Variants in DYRK4 observed in about 807,000 individuals in gnomAD.
DYRK4 encodes dual specificity tyrosine phosphorylation regulated kinase 4.
Under a neutral mutation model 68.3 loss-of-function variants are expected in DYRK4, and 64 were observed. That is an observed-to-expected ratio of 0.94 (90% CI 0.77 to 1.15). The LOEUF (loss-of-function observed/expected upper bound fraction) is 1.15, where lower values mean the gene tolerates loss of function less well. Ranked by LOEUF, DYRK4 falls within the 50% of genes most tolerant of loss-of-function variation. DYRK4 has a pLI of 0.00. For missense variants in DYRK4, 740 were observed against 764.7 expected, an observed-to-expected ratio of 0.97 and a Z score of 0.38; for synonymous variants, 274 against 289.9, an observed-to-expected ratio of 0.95 and a Z score of 0.56.
intron 2 of DYRK4, among the ~76,000 whole-genome samples, chr12:4,568,731 C>T (rs543207027): frequency 6.6e-6 from 1 of 152,186 alleles, no homozygotes; most frequent in Non-Finnish European, 1.5e-5. Flanking sequence ...TTTCCTTTCA[C>T]TCTGCCTCAA....
intron 10 of DYRK4, chr12:4,603,004 C>T: frequency 1.1e-6 from 1 of 919,122 alleles, no homozygotes; most frequent in Non-Finnish European, 1.7e-6. Context: ...GTTCTTGATT[C>T]TATAGAAGCT....
chr12:4,591,042 C>A lies in DYRK4; in HGVS notation c.325-118C>A. 1 of 1,227,328 alleles carries A rather than the reference C, an allele frequency of 8.1e-7. No homozygotes were observed. Among genetic ancestry groups the A allele is most frequent in the African/African-American group, 1.5e-5 (1 of 65,814 alleles). The allele number at this position is 1,227,328 out of a possible 1,614,324, so 76.0% of individuals were successfully genotyped here. On this transcript the variant is annotated intron_variant, in intron 4 of 14. Coordinates refer to ENST00000543431, the MANE Select transcript of DYRK4 (RefSeq NM_001394779.1). This position sits in a 1 kb window ranked among gnomAD's most constrained non-coding sequence, Gnocchi z 4.1. ...TCTGTCTCTTAATCGCTGTTTTCTCCCTGGAGAGGTAGGTAAAGAGCCTGG... is the reference window on the plus strand; with the variant it reads ...TCTGTCTCTTAATCGCTGTTTTCTCACTGGAGAGGTAGGTAAAGAGCCTGG...
intron 10 of DYRK4, chr12:4,602,460 T>C: frequency 7.9e-7 from 1 of 1,266,940 alleles, no homozygotes; most frequent in South Asian, 1.2e-5. Context: ...GATTTCCCAT[T>C]CCCTTTACTT....
intron 2 of DYRK4, among the ~76,000 whole-genome samples, chr12:4,586,445 T>A (rs1944897333): frequency 6.6e-6 from 1 of 152,140 alleles, no homozygotes; most frequent in Non-Finnish European, 1.5e-5. Flanking sequence ...TCAAAAAAAA[T>A]CCTGTCTTGC....
At chr12:4,563,020 C>G (rs767262977) in intron 1 of DYRK4, 7 of 455,574 alleles carry the variant, frequency 1.5e-5, no homozygotes, top group South Asian at 1.1e-4. Flanking sequence ...AAGCAACGGA[C>G]AGCATCACCA....
intron 10 of DYRK4, chr12:4,602,393 A>G: frequency 3.3e-6 from 3 of 919,536 alleles, no homozygotes; most frequent in Non-Finnish European, 5.3e-6. Flanking sequence ...CTTTCTGTCA[A>G]GGGGAAAGAC....
At chr12:4,570,355 A>G (rs1407730415) in intron 2 of DYRK4, among the ~76,000 whole-genome samples, 1 of 152,260 alleles carries the variant, frequency 6.6e-6, no homozygotes, top group East Asian at 1.9e-4. Context: ...TGAAACTTAA[A>G]ACTACTGTGT....
chr12:4,568,440 A>T (rs990292188), intron 2 of DYRK4, among the ~76,000 whole-genome samples: 5 of 151,550 alleles, frequency 3.3e-5, no homozygotes, highest in African/African-American at 9.7e-5. Context: ...GGCTGGAGTG[A>T]AATGGTGCAA....
chr12:4,572,432 C>T (rs574287905), intron 2 of DYRK4, among the ~76,000 whole-genome samples: 143 of 152,212 alleles, frequency 9.4e-4, no homozygotes, highest in African/African-American at 3.3e-3. Context: ...CAGGCGCCCG[C>T]CACCACACCT....
chr12:4,591,620 G>A lies in DYRK4; in HGVS notation c.463+322G>A, dbSNP rs977004226. The A allele has an allele frequency of 6.2e-5, 18 of 289,344 alleles. 1 individual carries two copies. Among genetic ancestry groups the A allele is most frequent in the Admixed American group, 9.1e-5 (2 of 21,866 alleles). 17.9% of individuals were successfully genotyped at this position (289,344 alleles called of 1,614,324 possible). The stretch of plus-strand genomic sequence containing the variant: ...TCATTTTATGGACCCAGGGGCCAGC[G>A]GGAAGGCACTGAGAGAGTGGAAGAG... On this transcript the variant is annotated intron_variant, in intron 5 of 14. Transcript: ENST00000543431. The surrounding 1 kb of genome is among the most constrained non-coding windows in gnomAD (Gnocchi z 4.1).
intron 2 of DYRK4, among the ~76,000 whole-genome samples, chr12:4,588,319 G>C (rs1591795571): frequency 6.6e-6 from 1 of 152,096 alleles, no homozygotes; most frequent in East Asian, 1.9e-4. Flanking sequence ...TTTTCAAATG[G>C]ATATTACAGT....
chr12:4,567,169 TGTG>T (rs1479347381), intron 1 of DYRK4: 1 of 152,240 alleles, frequency 6.6e-6, no homozygotes. Flanking sequence ...CTTTCAAAGT[TGTG>T]GTGCCATCAT....
At chr12:4,610,391 C>G (rs1591809987) in intron 13 of DYRK4, 107 bp downstream of exon 13, 2 of 1,187,226 alleles carry the variant, frequency 1.7e-6, no homozygotes, top group Non-Finnish European at 2.3e-6. Flanking sequence ...ATAAAAGTAA[C>G]AAGAAATGCT....
intron 2 of DYRK4, among the ~76,000 whole-genome samples, chr12:4,579,396 G>A (rs1944819270): frequency 6.6e-6 from 1 of 152,202 alleles, no homozygotes; most frequent in South Asian, 2.1e-4. Context: ...ACAGTTCTCT[G>A]AGAGTCTAGA....
intron 10 of DYRK4, chr12:4,602,121 C>T (rs1945088164): frequency 3.6e-6 from 2 of 563,018 alleles, no homozygotes; most frequent in Admixed American, 2.8e-5. Flanking sequence ...GGCTGATATC[C>T]AGACTCCCTT....
At position 4,607,388 on chromosome 12, in the gene DYRK4, GT is replaced by G; in HGVS notation, c.1360+2del. 5 of 1,614,170 alleles carry G rather than the reference GT, an allele frequency of 3.1e-6. No homozygotes were observed. In the South Asian group the frequency reaches 5.5e-5, roughly 18 times the overall value. ...GCCTCCAGGAGACAGACATTCTTTGGTAAGTCCTAGTGTGTCTCATGAGGTG... is the reference window on the plus strand; with the variant it reads ...GCCTCCAGGAGACAGACATTCTTTGGAAGTCCTAGTGTGTCTCATGAGGTG... On this transcript the variant is annotated splice_donor_variant, in intron 12 of 14. Coordinates refer to ENST00000543431, the MANE Select transcript of DYRK4 (RefSeq NM_001394779.1). LOFTEE classifies it high-confidence loss of function.
chr12:4,590,407 G>A lies in DYRK4; in HGVS notation c.291G>A (p.Lys97=). Residue 97 remains lysine, a synonymous_variant, in exon 4 of 15, where the codon AAG becomes AAA. Transcript: ENST00000543431. ...KNTVSFPHIS[K]KVLLKSSLLY... is the part of the protein sequence containing the mutation. ...CGGTAAGCTTCCCACACATTAGCAA[G>A]AAAGTCCTGCTGAAGTCATCCCTGC... 6.5e-7 allele frequency: 1 copy of A among 1,536,036 alleles called. No individual in the cohort carries two copies. The highest frequency in any genetic ancestry group is 8.7e-7 in the Non-Finnish European group (1 of 1,146,876).
chr12:4,599,529 C>A, intron 9 of DYRK4, 178 bp from the exon 10 acceptor site: 1 of 586,214 alleles, frequency 1.7e-6, no homozygotes, highest in Non-Finnish European at 3.0e-6. Context: ...GAAACGCCGA[C>A]CACAAGTCAA....
intron 10 of DYRK4, 195 bp from the exon 11 acceptor site, chr12:4,604,719 C>T (rs1309751085): frequency 1.2e-5 from 3 of 253,326 alleles, no homozygotes; most frequent in Non-Finnish European, 1.9e-5. Context: ...CAGGGACAGT[C>T]ACACCTCCTT....
Sources: gnomAD v4.1 joint callset for allele counts (sites outside exome capture counted in the v4.1 genomes callset) on GRCh38, gnomAD v4.1.1 for gene constraint, Gnocchi (gnomAD v3.1) non-coding constraint, MANE v1.5 for transcripts, NCBI Gene and HGNC (gene_info 2026-07-23, HGNC 2026-07-21) for gene names.